The following BANK1 variants were observed in gnomAD, a reference collection of about 807,000 sequenced individuals.
BANK1 encodes the protein B-cell scaffold protein with ankyrin repeats.
Under a neutral mutation model 94.5 loss-of-function variants are expected in BANK1, and 95 were observed. The observed-to-expected ratio is 1.00, with a 90% CI of 0.85 to 1.19. The LOEUF (loss-of-function observed/expected upper bound fraction) is 1.19. BANK1 is among the 50% of genes most tolerant of loss of function. The pLI, the probability that BANK1 is intolerant of heterozygous loss-of-function variation, is 0.00. For synonymous variants in BANK1, 334 were observed against 308.4 expected, an observed-to-expected ratio of 1.08 and a Z score of -0.87; for missense variants, 987 against 932.2, an observed-to-expected ratio of 1.06 and a Z score of -0.77.
intron 13 of BANK1, 65 bp from the exon 14 acceptor site, chr4:102,071,210 A>G: frequency 6.5e-7 from 1 of 1,527,080 alleles, no homozygotes; most frequent in East Asian, 2.3e-5. Flanking sequence ...TAAAAAAATA[A>G]GAGAGAGAAT....
chr4:102,025,201 C>T lies in BANK1; in HGVS notation c.1286C>T (p.Ser429Phe). 6.2e-7 allele frequency: 1 copy of T among 1,612,710 alleles called. No individual in the cohort carries two copies. Among genetic ancestry groups the T allele is most frequent in the South Asian group, 1.1e-5 (1 of 91,030 alleles). ...ATCATGCAATCTTCATCATAAACAGCCACACAGAACCCAGCATTTCATCAT... is the reference window on the plus strand; with the variant it reads ...ATCATGCAATCTTCATCATAAACAGTCACACAGAACCCAGCATTTCATCAT... The part of the protein sequence containing the change: ...DIASFSTYIP[S>F]TQNPAFHHES... Residue 429 changes from serine to phenylalanine, a missense_variant and splice_region_variant, in exon 9 of 17, where the codon TCC becomes TTC. By Grantham distance (155) the Ser-to-Phe change is radical (BLOSUM62 -2). Transcript: ENST00000322953.
chr4:101,878,458 C>G lies in BANK1; in HGVS notation c.903+7814C>G, dbSNP rs541235979. Among the ~76,000 whole-genome samples, 200 of 152,234 alleles carry G rather than the reference C, an allele frequency of 1.3e-3. 1 individual carries two copies. The highest frequency in any genetic ancestry group is 2.4e-3 in the Non-Finnish European group (161 of 68,002). Reference sequence around the variant, plus strand: ...ACACTGGAGCAACCAGATATAAAATCAAATATTACTAGACCTAAGGAGAGA... The same window carrying G: ...ACACTGGAGCAACCAGATATAAAATGAAATATTACTAGACCTAAGGAGAGA... On this transcript the variant is annotated intron_variant, in intron 5 of 16. Coordinates refer to ENST00000322953, the MANE Select transcript of BANK1 (RefSeq NM_017935.5).
intron 2 of BANK1, among the ~76,000 whole-genome samples, chr4:101,834,489 T>C (rs1365348658): frequency 6.6e-6 from 1 of 152,196 alleles, no homozygotes; most frequent in Non-Finnish European, 1.5e-5. Flanking sequence ...AAAATAACTT[T>C]TATATGTGGG....
chr4:101,847,736 TAC>T (rs35196238), intron 2 of BANK1, among the ~76,000 whole-genome samples: 38,448 of 145,532 alleles, frequency 0.26, 5,034 homozygotes, highest in South Asian at 0.3. Flanking sequence ...TATTCCATCA[TAC>T]ACACACACAC....
chr4:101,952,259 G>T (rs888682566), intron 7 of BANK1, among the ~76,000 whole-genome samples: 7 of 152,012 alleles, frequency 4.6e-5, no homozygotes, highest in African/African-American at 1.7e-4. Context: ...AATAAAAATG[G>T]CTTGGTTATA....
chr4:101,850,502 C>T (rs1437379700), intron 2 of BANK1, among the ~76,000 whole-genome samples: 2 of 151,058 alleles, frequency 1.3e-5, no homozygotes, highest in African/African-American at 4.9e-5. Flanking sequence ...AGGCTGGTCT[C>T]GAACTCTTGA....
Position 102,021,735 on chromosome 4 carries a change from G to A in BANK1, c.1285+143G>A, listed in dbSNP as rs542319265. On this transcript the variant is annotated intron_variant, in intron 8 of 16. Coordinates refer to ENST00000322953, the MANE Select transcript of BANK1 (RefSeq NM_017935.5). ...TAATTAACTGATTGGCTTTTAATTT[G>A]TAATAGAGACACTACTACATCATAT... is the stretch of plus-strand genomic sequence containing the variant. 13 of 373,950 alleles carry A rather than the reference G, an allele frequency of 3.5e-5. No homozygotes were observed. The East Asian group carries it at 4.9e-4, about 14-fold the overall frequency. 23.2% of individuals were successfully genotyped at this position (373,950 alleles called of 1,614,324 possible).
chr4:101,822,814 G>A (rs938794421), intron 1 of BANK1, among the ~76,000 whole-genome samples: 1 of 151,648 alleles, frequency 6.6e-6, no homozygotes, highest in Non-Finnish European at 1.5e-5. Flanking sequence ...GCGGGGTTTC[G>A]CCACGTTAGC....
At chr4:101,805,825 G>GA (rs1034014630) in intron 1 of BANK1, among the ~76,000 whole-genome samples, 3 of 151,254 alleles carry the variant, frequency 2.0e-5, no homozygotes, top group South Asian at 2.1e-4. Context: ...ATTTGATTAT[G>GA]AAAAAAAATC....
chr4:101,828,495 T>C (rs1257449871), intron 1 of BANK1, among the ~76,000 whole-genome samples: 1 of 151,650 alleles, frequency 6.6e-6, no homozygotes, highest in East Asian at 1.9e-4. Context: ...TTGTTAATTC[T>C]ACCCTAAAAT....
At chr4:102,007,822 A>G (rs1281832833) in intron 7 of BANK1, among the ~76,000 whole-genome samples, 3 of 152,152 alleles carry the variant, frequency 2.0e-5, no homozygotes, top group Non-Finnish European at 2.9e-5. Flanking sequence ...CCTGAACTGT[A>G]TCACACAATT....
At chr4:101,830,258 G>A in intron 2 of BANK1, 52 bp downstream of exon 2, 2 of 1,084,292 alleles carry the variant, frequency 1.8e-6, no homozygotes, top group Non-Finnish European at 2.5e-6. Context: ...TTTTTTTTTT[G>A]TAATTAAAGA....
chr4:102,000,834 C>T (rs950886174), intron 7 of BANK1, among the ~76,000 whole-genome samples: 2 of 152,146 alleles, frequency 1.3e-5, no homozygotes, highest in Non-Finnish European at 2.9e-5. Context: ...TTGTGCAAAT[C>T]GATTGGACTA....
chr4:101,981,381 T>C (rs1375165809), intron 7 of BANK1, among the ~76,000 whole-genome samples: 1 of 152,098 alleles, frequency 6.6e-6, no homozygotes, highest in Non-Finnish European at 1.5e-5. Context: ...GTTGAATAGA[T>C]TTAATAATAT....
In BANK1 at chr4:102,034,584, A is replaced by C. The variant is rs576322148; in HGVS notation, c.1900+4319A>C. On this transcript the variant is annotated intron_variant, in intron 10 of 16. Transcript: ENST00000322953. ...ATTCTGGTGGAATCAGAAGTTAGGGAAAATAGTAGTGCTGGAGTGTGTGAG... is the reference window on the plus strand; with the variant it reads ...ATTCTGGTGGAATCAGAAGTTAGGGCAAATAGTAGTGCTGGAGTGTGTGAG... Among the ~76,000 whole-genome samples the C allele has an allele frequency of 1.2e-4, 19 of 152,266 alleles. No individual in the cohort carries two copies. In the South Asian group the frequency reaches 3.5e-3, roughly 28 times the overall value.
chr4:101,975,152 G>A (rs1393556591), intron 7 of BANK1, among the ~76,000 whole-genome samples: 1 of 152,124 alleles, frequency 6.6e-6, no homozygotes. Context: ...AGGAAGAACT[G>A]ACTTCACAAG....
Position 101,981,731 on chromosome 4 carries a change from C to T in BANK1, c.1207-39783C>T, listed in dbSNP as rs190104892. 161 of 152,076 alleles carry T rather than the reference C, an allele frequency of 1.1e-3. 1 individual carries two copies. The highest frequency in any genetic ancestry group is 3.9e-3 in the African/African-American group (160 of 41,498). 9.4% of individuals were successfully genotyped at this position (152,076 alleles called of 1,614,324 possible). On this transcript the variant is annotated intron_variant, in intron 7 of 16. Transcript: ENST00000322953. ...TTCTTCATCATTTTTTCTTTCTATA[C>T]CTTTTCTAAGCTACTATACTAGTTC...
At chr4:101,942,510 C>G (rs1723788074) in intron 7 of BANK1, among the ~76,000 whole-genome samples, 1 of 151,822 alleles carries the variant, frequency 6.6e-6, no homozygotes, top group Non-Finnish European at 1.5e-5. Flanking sequence ...ACAATGCTCT[C>G]TTATGGAAAA....
At chr4:101,876,761 A>G (rs565091985) in intron 5 of BANK1, among the ~76,000 whole-genome samples, 225 of 152,328 alleles carry the variant, frequency 1.5e-3, no homozygotes, top group African/African-American at 5.2e-3. Flanking sequence ...CAAAGAACTC[A>G]AAATAGCTGT....
Sources: gnomAD v4.1 joint callset for allele counts (sites outside exome capture counted in the v4.1 genomes callset) on GRCh38, gnomAD v4.1.1 for gene constraint, MANE v1.5 for transcripts, NCBI Gene and HGNC (gene_info 2026-07-23, HGNC 2026-07-21) for gene names.